The following ANKRD16 variants were observed in gnomAD, a reference collection of about 807,000 sequenced individuals.
The protein encoded by ANKRD16 is ankyrin repeat domain-containing protein 16.
Under a neutral mutation model 37.9 loss-of-function variants are expected in ANKRD16, and 35 were observed. The ratio of observed to expected loss-of-function variants is 0.92; its 90% CI spans 0.71 to 1.23. The LOEUF (loss-of-function observed/expected upper bound fraction) is 1.23. ANKRD16 is among the 50% of genes most tolerant of loss of function. ANKRD16 has a pLI of 0.00. For missense variants in ANKRD16, 480 were observed against 469.9 expected (o/e 1.02, Z -0.20); for synonymous variants, 206 against 197.2 (o/e 1.04, Z -0.37).
At chr10:5,879,640 G>A (rs113025962) in intron 6 of ANKRD16, among the ~76,000 whole-genome samples, 235 of 152,160 alleles carry the variant, frequency 1.5e-3, no homozygotes, top group African/African-American at 5.4e-3. Context: ...ACTCCAAAAT[G>A]GATGACCTGT....
In ANKRD16 at chr10:5,869,565, C is replaced by T. The variant is rs906804812; in HGVS notation, c.*34-6874G>A. Among the ~76,000 whole-genome samples the T allele has an allele frequency of 4.6e-5, 7 of 152,080 alleles. No homozygotes were observed. Among genetic ancestry groups the T allele is most frequent in the East Asian group, 3.9e-4 (2 of 5,180 alleles). On this transcript the variant is annotated intron_variant, in intron 7 of 7. Transcript: ENST00000380094. The surrounding 1 kb of genome is among the most constrained non-coding windows in gnomAD (Gnocchi z 4.0). ...CTGCTTTCCTATTTCACTGAGAAGT[C>T]GAAGCACCTAGAAGACAGCTTGGTG... is the stretch of plus-strand genomic sequence containing the variant.
rs933719639 is a variant in ANKRD16 at position 5,871,590 on chromosome 10, G to A, written c.*33+6507C>T. On this transcript the variant is annotated intron_variant, in intron 7 of 7. Coordinates refer to ENST00000380094, the MANE Select transcript of ANKRD16 (RefSeq NM_019046.3). This position sits in a 1 kb window ranked among gnomAD's most constrained non-coding sequence, Gnocchi z 4.5. Reference sequence around the variant, plus strand: ...TACTGGCATTGAATGAGGCGCCCACGTGGGCTCTGCCCTGAACTTTTCTTC... The same window carrying A: ...TACTGGCATTGAATGAGGCGCCCACATGGGCTCTGCCCTGAACTTTTCTTC... Among the ~76,000 whole-genome samples, 1 of 152,080 alleles carries A rather than the reference G, an allele frequency of 6.6e-6. No individual in the cohort carries two copies. Among genetic ancestry groups the A allele is most frequent in the Non-Finnish European group, 1.5e-5 (1 of 68,008 alleles).
At chr10:5,888,735 T>A (rs2131787860) in intron 1 of ANKRD16, among the ~76,000 whole-genome samples, 1 of 152,360 alleles carries the variant, frequency 6.6e-6, no homozygotes, top group Non-Finnish European at 1.5e-5. Context: ...GGAGGCTATC[T>A]GTATAGTGCA....
chr10:5,879,679 G>A (rs888580361), intron 6 of ANKRD16, among the ~76,000 whole-genome samples: 1 of 149,002 alleles, frequency 6.7e-6, no homozygotes, highest in Non-Finnish European at 1.5e-5. Flanking sequence ...CTGGCTAGCA[G>A]GTGTCATCAT....
rs1468776197 is a variant in ANKRD16 at position 5,866,842 on chromosome 10, A to G, written c.*34-4151T>C. ...GTCAAAGAGGGAGACAGAGAGAGGA[A>G]GAGACAGAGAGGCTGAAAGTCAAAG... On this transcript the variant is annotated intron_variant, in intron 7 of 7. Coordinates refer to ENST00000380094, the MANE Select transcript of ANKRD16 (RefSeq NM_019046.3). The surrounding 1 kb of genome is among the most constrained non-coding windows in gnomAD (Gnocchi z 4.3). Among the ~76,000 whole-genome samples the G allele has an allele frequency of 2.0e-5, 3 of 152,162 alleles. No homozygotes were observed. The highest frequency in any genetic ancestry group is 7.2e-5 in the African/African-American group (3 of 41,438).
chr10:5,862,710 TATC>T lies in ANKRD16; in HGVS notation c.*34-22_*34-20del. 4 of 1,286,306 alleles carry T rather than the reference TATC, an allele frequency of 3.1e-6. No individual in the cohort carries two copies. The South Asian group carries it at 3.7e-5, about 12-fold the overall frequency. The allele number at this position is 1,286,306 out of a possible 1,614,324, so 79.7% of individuals were successfully genotyped here. The stretch of plus-strand genomic sequence containing the variant: ...AGCAACTCTGTGAAGAAAGAGTTAT[TATC>T]ATCTCAGTTTACAGATGAAACAGAA... On this transcript the variant is annotated intron_variant, in intron 7 of 7. Transcript: ENST00000380094. The surrounding 1 kb of genome is among the most constrained non-coding windows in gnomAD (Gnocchi z 6.5).
At chr10:5,881,188 A>T (rs1842297267) in intron 5 of ANKRD16, 1 of 567,330 alleles carries the variant, frequency 1.8e-6, no homozygotes, top group Admixed American at 6.4e-5. Context: ...TAATTATTAG[A>T]ATATAGATGA....
chr10:5,883,279 CTG>C, intron 4 of ANKRD16, 112 bp from the exon 5 acceptor site: 2 of 1,085,296 alleles, frequency 1.8e-6, no homozygotes, highest in Non-Finnish European at 1.3e-6. Context: ...GCACAACTCT[CTG>C]GGCAGAGGAT....
At chr10:5,872,401 C>G (rs1325821439) in intron 7 of ANKRD16, among the ~76,000 whole-genome samples, 1 of 151,904 alleles carries the variant, frequency 6.6e-6, no homozygotes, top group African/African-American at 2.4e-5. Flanking sequence ...ATTGCTTGAA[C>G]CCAGGAGGTG....
chr10:5,889,248 G>A lies in ANKRD16; in HGVS notation c.107C>T (p.Ala36Val), dbSNP rs1453653672. 2.6e-6 allele frequency: 4 copies of A among 1,526,872 alleles called. No homozygotes were observed. Among genetic ancestry groups the A allele is most frequent in the Non-Finnish European group, 3.5e-6 (4 of 1,146,152 alleles). 94.6% of individuals were successfully genotyped at this position (1,526,872 alleles called of 1,614,324 possible). A position where few individuals can be genotyped will look rare whatever the true frequency, so the allele number is the denominator to read the frequency against. ...LQAAGGCPGP[A>V]GDTLLHCAAR... ...GGCGCAGTGCAGGAGGGTATCCCCG[G>A]CCGGCCCCGGGCAGCCCCCGGCCGC... Residue 36 changes from alanine to valine, a missense_variant, in exon 1 of 8, where the codon GCC becomes GTC. Transcript: ENST00000380094.
chr10:5,866,515 T>C lies in ANKRD16; in HGVS notation c.*34-3824A>G, dbSNP rs933915686. 1.3e-5 allele frequency among the ~76,000 whole-genome samples: 2 copies of C among 152,210 alleles called. No homozygotes were observed. Among genetic ancestry groups the C allele is most frequent in the Non-Finnish European group, 2.9e-5 (2 of 68,044 alleles). On this transcript the variant is annotated intron_variant, in intron 7 of 7. Coordinates refer to ENST00000380094, the MANE Select transcript of ANKRD16 (RefSeq NM_019046.3). The surrounding 1 kb of genome is among the most constrained non-coding windows in gnomAD (Gnocchi z 4.3). The stretch of plus-strand genomic sequence containing the variant: ...AACTGGGAAAGGAAAGGAGAATAAA[T>C]GTGTATACAGATAGCAAGTATGCTT...
chr10:5,885,803 A>C (rs375973441), intron 2 of ANKRD16, 38 bp from the exon 3 acceptor site: 12 of 1,585,422 alleles, frequency 7.6e-6, no homozygotes, highest in Non-Finnish European at 1.0e-5. Context: ...AGAGCTTTTT[A>C]GTGCACACAC....
intron 3 of ANKRD16, among the ~76,000 whole-genome samples, chr10:5,884,370 T>C (rs1842377996): frequency 6.6e-6 from 1 of 152,202 alleles, no homozygotes; most frequent in Non-Finnish European, 1.5e-5. Flanking sequence ...TGCCACTGCC[T>C]TTCCTGCATC....
chr10:5,875,639 C>A (rs1842170798), intron 7 of ANKRD16, among the ~76,000 whole-genome samples: 1 of 151,182 alleles, frequency 6.6e-6, no homozygotes, highest in Non-Finnish European at 1.5e-5. Flanking sequence ...CCAGAGCATT[C>A]TTCATATATT....
chr10:5,887,073 T>C lies in ANKRD16; in HGVS notation c.535+774A>G, dbSNP rs80161411. On this transcript the variant is annotated intron_variant, in intron 2 of 7. Transcript: ENST00000380094. ...TAAAGAAAATAGCACTAACCAGTTA[T>C]TTTGTGCTATGTGCCAAGCATTGTC... is the stretch of plus-strand genomic sequence containing the variant. Among the ~76,000 whole-genome samples the C allele has an allele frequency of 7.1e-3, 1,076 of 152,324 alleles. 9 individuals carry two copies. Among genetic ancestry groups the C allele is most frequent in the Non-Finnish European group, 0.013 (901 of 68,040 alleles).
At chr10:5,872,552 T>A (rs1842108219) in intron 7 of ANKRD16, among the ~76,000 whole-genome samples, 1 of 152,108 alleles carries the variant, frequency 6.6e-6, no homozygotes, top group Admixed American at 6.6e-5. Context: ...ATTTTATTTA[T>A]TTTTTATGTA....
At position 5,871,793 on chromosome 10, in the gene ANKRD16, C is replaced by A. The variant is rs963888964; in HGVS notation, c.*33+6304G>T. On this transcript the variant is annotated intron_variant, in intron 7 of 7. Coordinates refer to ENST00000380094, the MANE Select transcript of ANKRD16 (RefSeq NM_019046.3). This position sits in a 1 kb window ranked among gnomAD's most constrained non-coding sequence, Gnocchi z 4.5. ...TCCCTCTGTGGGCTCCTTTCCCAGT[C>A]TGTAAACATGCCACATGCTCATCCC... Among the ~76,000 whole-genome samples, 2 of 152,210 alleles carry A rather than the reference C, an allele frequency of 1.3e-5. No individual in the cohort carries two copies. Among genetic ancestry groups the A allele is most frequent in the African/African-American group, 4.8e-5 (2 of 41,460 alleles).
At position 5,862,822 on chromosome 10, in the gene ANKRD16, ACAGT is replaced by A. The variant is rs1219441991; in HGVS notation, c.*34-135_*34-132del. On this transcript the variant is annotated intron_variant, in intron 7 of 7. Transcript: ENST00000380094. The surrounding 1 kb of genome is among the most constrained non-coding windows in gnomAD (Gnocchi z 6.5). ...TACAGGGCCTGGCTCTACATGCTGC[ACAGT>A]CAGAGAGGGAGAGTCCCATGCGCAG... 1.0e-5 allele frequency: 5 copies of A among 500,054 alleles called. No homozygotes were observed. The Admixed American group carries it at 1.0e-4, about 10-fold the overall frequency. 31.0% of individuals were successfully genotyped at this position (500,054 alleles called of 1,614,324 possible).
In ANKRD16 at chr10:5,889,355, C is replaced by A. The variant is rs986404505; in HGVS notation, c.-1G>T. On this transcript the variant is annotated 5_prime_UTR_variant, in exon 1 of 8. Coordinates refer to ENST00000380094, the MANE Select transcript of ANKRD16 (RefSeq NM_019046.3). ...GCCGCGGGTCCCCGGGCTGGGCCAT[C>A]GCCGCGGGTCGGGCCGGGCTGCGCG... The A allele has an allele frequency of 4.9e-6, 6 of 1,222,878 alleles. No homozygotes were observed. In the African/African-American group the frequency reaches 7.9e-5, roughly 16 times the overall value. The allele number at this position is 1,222,878 out of a possible 1,614,324, so 75.8% of individuals were successfully genotyped here. A position where few individuals can be genotyped will look rare whatever the true frequency, so the allele number is the denominator to read the frequency against.
Sources: gnomAD v4.1 joint callset for allele counts (sites outside exome capture counted in the v4.1 genomes callset) on GRCh38, gnomAD v4.1.1 for gene constraint, Gnocchi (gnomAD v3.1) non-coding constraint, MANE v1.5 for transcripts, NCBI Gene and HGNC (gene_info 2026-07-23, HGNC 2026-07-21) for gene names.